Variants in ESRRG observed in about 807,000 individuals in gnomAD.
The protein encoded by ESRRG is estrogen related receptor gamma, also known as estrogen-related receptor gamma.
Under a neutral mutation model 44.0 loss-of-function variants are expected in ESRRG, and 13 were observed. The ratio of observed to expected loss-of-function variants is 0.30; its 90% confidence interval spans 0.19 to 0.47. The LOEUF (loss-of-function observed/expected upper bound fraction) is 0.47, where lower values mean the gene tolerates loss of function less well. Among genes scored for constraint, ESRRG ranks in the 20% least tolerant of loss-of-function variants. ESRRG has a pLI of 1.00. For synonymous variants in ESRRG, 215 were observed against 214.6 expected (o/e 1.00, Z -0.02); for missense variants, 395 against 580.6 (o/e 0.68, Z 3.29).
At chr1:217,096,358 C>T (rs2092422739) in intron 1 of ESRRG, among the ~76,000 whole-genome samples, 1 of 152,214 alleles carries the variant, frequency 6.6e-6, no homozygotes, top group Non-Finnish European at 1.5e-5. Flanking sequence ...ACTACGTTCT[C>T]AGCTATGTGG....
chr1:216,583,961 C>G (rs1265173215), intron 3 of ESRRG, among the ~76,000 whole-genome samples: 1 of 152,100 alleles, frequency 6.6e-6, no homozygotes, highest in Admixed American at 6.6e-5. Context: ...AAATTGGTTC[C>G]CACTGGTTGC....
At chr1:216,888,598 C>A (rs563636835) in intron 2 of ESRRG, among the ~76,000 whole-genome samples, 51 of 152,230 alleles carry the variant, frequency 3.4e-4, no homozygotes, top group African/African-American at 1.2e-3. Context: ...TCATGGGATT[C>A]GTACAGACTC....
At chr1:217,055,583 G>C (rs146585224) in intron 1 of ESRRG, among the ~76,000 whole-genome samples, 1 of 152,232 alleles carries the variant, frequency 6.6e-6, no homozygotes, top group East Asian at 1.9e-4. Context: ...TCAACCCCCT[G>C]TACAGCCATG....
chr1:216,547,825 A>G (rs992131000), intron 5 of ESRRG, among the ~76,000 whole-genome samples: 1 of 151,952 alleles, frequency 6.6e-6, no homozygotes, highest in Non-Finnish European at 1.5e-5. Flanking sequence ...AGCACTGCCA[A>G]TTTTTTCAAT....
At chr1:216,544,195 A>G (rs1239542396) in intron 5 of ESRRG, among the ~76,000 whole-genome samples, 2 of 151,988 alleles carry the variant, frequency 1.3e-5, no homozygotes, top group East Asian at 1.9e-4. Flanking sequence ...CATTGTCATT[A>G]TTATTTTTTC....
At chr1:216,810,028 G>A (rs1173197948) in intron 2 of ESRRG, among the ~76,000 whole-genome samples, 3 of 152,118 alleles carry the variant, frequency 2.0e-5, no homozygotes, top group African/African-American at 7.2e-5. Context: ...GAGGAAAAAA[G>A]GACAGTTCAG....
chr1:216,901,660 C>T (rs1382799016), intron 2 of ESRRG, among the ~76,000 whole-genome samples: 1 of 152,140 alleles, frequency 6.6e-6, no homozygotes, highest in South Asian at 2.1e-4. Flanking sequence ...TGTAAGCCAC[C>T]ACACCAGCCT....
intron 2 of ESRRG, among the ~76,000 whole-genome samples, chr1:216,745,623 T>G (rs981453803): frequency 1.3e-5 from 2 of 152,210 alleles, no homozygotes; most frequent in African/African-American, 4.8e-5. Context: ...TTGTCCAGTC[T>G]CTCAATGCGT....
intron 5 of ESRRG, among the ~76,000 whole-genome samples, chr1:216,542,106 GAGAGAT>G (rs1310521908): frequency 4.0e-5 from 6 of 149,398 alleles, no homozygotes; most frequent in East Asian, 4.1e-4. Flanking sequence ...GAGAGAGAGA[GAGAGAT>G]AGAATGTTTT....
chr1:216,693,131 A>C (rs1002474301), intron 1 of ESRRG, among the ~76,000 whole-genome samples: 10 of 152,238 alleles, frequency 6.6e-5, no homozygotes, highest in Non-Finnish European at 1.0e-4. Context: ...TCTATTCATC[A>C]GTAAAAGTAC....
At chr1:216,639,593 T>C (rs1335969213) in intron 3 of ESRRG, among the ~76,000 whole-genome samples, 1 of 152,160 alleles carries the variant, frequency 6.6e-6, no homozygotes, top group Non-Finnish European at 1.5e-5. Context: ...ATTACCTCAT[T>C]TTTACACATT....
At chr1:216,755,901 AG>A (rs2092410178) in intron 2 of ESRRG, among the ~76,000 whole-genome samples, 1 of 152,058 alleles carries the variant, frequency 6.6e-6, no homozygotes, top group African/African-American at 2.4e-5. Flanking sequence ...CTCCTGGATG[AG>A]GGGTCCCTAT....
chr1:216,836,727 G>A (rs946845084), intron 2 of ESRRG, among the ~76,000 whole-genome samples: 1 of 152,200 alleles, frequency 6.6e-6, no homozygotes, highest in Non-Finnish European at 1.5e-5. Flanking sequence ...TGGCGGCAGA[G>A]TGAGCCCAGC....
At chr1:216,548,541 C>A (rs146165789) in intron 5 of ESRRG, among the ~76,000 whole-genome samples, 6 of 152,170 alleles carry the variant, frequency 3.9e-5, no homozygotes, top group Admixed American at 2.6e-4. Context: ...AGTAATTAAA[C>A]CTTCACATAC....
chr1:216,902,671 T>G (rs1390283596), intron 2 of ESRRG, among the ~76,000 whole-genome samples: 1 of 152,174 alleles, frequency 6.6e-6, no homozygotes, highest in East Asian at 1.9e-4. Context: ...GTCCCATCTC[T>G]TCTGAGACTT....
In ESRRG at chr1:217,087,811, C is replaced by T. The variant is rs118008327; in HGVS notation, c.-106+1696G>A. ...AAGCCATGCGTAACAGACAAATGTA[C>T]GCTTAAATGATCATCCAGGCCTGCT... On this transcript the variant is annotated intron_variant, in intron 1 of 7. Transcript: ENST00000359162. Among the ~76,000 whole-genome samples, 195 of 152,294 alleles carry T rather than the reference C, an allele frequency of 1.3e-3. 1 individual carries two copies. The East Asian group carries it at 0.029, about 23-fold the overall frequency.
chr1:216,516,124 T>C (rs560290868), intron 6 of ESRRG, among the ~76,000 whole-genome samples: 2 of 152,222 alleles, frequency 1.3e-5, no homozygotes, highest in Admixed American at 6.5e-5. Context: ...CACAGAGATA[T>C]ATCAGAGATG....
At chr1:216,835,159 A>AGTTGAATCTTTG (rs2095544320) in intron 2 of ESRRG, among the ~76,000 whole-genome samples, 1 of 150,870 alleles carries the variant, frequency 6.6e-6, no homozygotes, top group African/African-American at 2.5e-5. Context: ...TGATAATCAG[A>AGTTGAATCTTTG]GTTGAATCTT....
At chr1:216,957,382 C>T (rs1056136062) in intron 1 of ESRRG, among the ~76,000 whole-genome samples, 1 of 152,174 alleles carries the variant, frequency 6.6e-6, no homozygotes, top group East Asian at 1.9e-4. Flanking sequence ...CTACTCAGCA[C>T]ATTTATTTGG....
Sources: gnomAD v4.1 joint callset for allele counts (sites outside exome capture counted in the v4.1 genomes callset) on GRCh38, gnomAD v4.1.1 for gene constraint, MANE v1.5 for transcripts, NCBI Gene and HGNC (gene_info 2026-07-23, HGNC 2026-07-21) for gene names.